Variants in SH3BGRL2 observed in about 807,000 individuals in gnomAD.
SH3BGRL2 encodes the protein SH3 domain binding glutamate rich protein like 2, also known as SH3 domain-binding glutamic acid-rich-like protein 2.
Under a neutral mutation model 14.8 loss-of-function variants are expected in SH3BGRL2, and 21 were observed. The observed-to-expected ratio is 1.42, with a 90% CI of 1.01 to 2.05. SH3BGRL2 has a LOEUF of 2.05. Ranked by LOEUF, SH3BGRL2 falls within the 30% of genes most tolerant of loss-of-function variation. The pLI is 0.00. For missense variants in SH3BGRL2, 147 were observed against 130.8 expected (o/e 1.12, Z -0.61); for synonymous variants, 50 against 47.8 (o/e 1.05, Z -0.19).
chr6:79,631,679 G>A (rs1317347855), intron 1 of SH3BGRL2, among the ~76,000 whole-genome samples, 173 bp downstream of exon 1: 2 of 152,214 alleles, frequency 1.3e-5, no homozygotes, highest in East Asian at 3.9e-4. Context: ...GGGGAGGAAA[G>A]GTGGGTGGGG....
At chr6:79,619,055 AT>A in the SH3BGRL2 span, among the ~76,000 whole-genome samples, 3 of 151,984 alleles carry the variant, frequency 2.0e-5, no homozygotes, top group African/African-American at 7.3e-5. Context: ...ATAAATTTTA[AT>A]TTTTAACAGG....
chr6:79,622,011 T>C, the SH3BGRL2 span, among the ~76,000 whole-genome samples: 1 of 152,116 alleles, frequency 6.6e-6, no homozygotes, highest in African/African-American at 2.4e-5. Flanking sequence ...ATGCAGAAGA[T>C]GGCAGAATGG....
the SH3BGRL2 span, among the ~76,000 whole-genome samples, chr6:79,556,627 C>G: frequency 6.6e-6 from 1 of 151,908 alleles, no homozygotes. Context: ...TAACCCTTAA[C>G]CCAGTAGTTC....
the SH3BGRL2 span, among the ~76,000 whole-genome samples, chr6:79,567,901 C>A: frequency 2.0e-5 from 3 of 152,022 alleles, no homozygotes; most frequent in Non-Finnish European, 4.4e-5. Context: ...AGTAAAGACA[C>A]AGAAACCAAT....
the SH3BGRL2 span, among the ~76,000 whole-genome samples, chr6:79,543,094 G>A: frequency 1.3e-5 from 2 of 152,134 alleles, no homozygotes; most frequent in African/African-American, 2.4e-5. Flanking sequence ...GGATAAATCA[G>A]ATTTGTCTAA....
Position 79,699,549 on chromosome 6 carries a change from A to T in SH3BGRL2, c.*40A>T. On this transcript the variant is annotated 3_prime_UTR_variant, in exon 4 of 4. Transcript: ENST00000369838. The stretch of plus-strand genomic sequence containing the variant: ...AGATGACGGAGATGCATTTTGAAGC[A>T]CCCCTGGTACTCAGCACACACATGC... 6.6e-7 allele frequency: 1 copy of T among 1,504,728 alleles called. No individual in the cohort carries two copies. Among genetic ancestry groups the T allele is most frequent in the Non-Finnish European group, 8.8e-7 (1 of 1,135,938 alleles). 93.2% of individuals were successfully genotyped at this position (1,504,728 alleles called of 1,614,324 possible). A position where few individuals can be genotyped will look rare whatever the true frequency, so the allele number is the denominator to read the frequency against.
intron 1 of SH3BGRL2, among the ~76,000 whole-genome samples, chr6:79,635,968 C>T (rs1768913818): frequency 6.6e-6 from 1 of 152,180 alleles, no homozygotes; most frequent in Admixed American, 6.5e-5. Flanking sequence ...AAGATTTCTA[C>T]ATCTTAAACT....
intron 1 of SH3BGRL2, among the ~76,000 whole-genome samples, chr6:79,646,406 T>A (rs1330586284): frequency 6.6e-6 from 1 of 152,256 alleles, no homozygotes; most frequent in East Asian, 1.9e-4. Context: ...ATTATGGAGC[T>A]AGCATACTGC....
At chr6:79,567,109 A>T in the SH3BGRL2 span, among the ~76,000 whole-genome samples, 1 of 152,116 alleles carries the variant, frequency 6.6e-6, no homozygotes, top group African/African-American at 2.4e-5. Context: ...AATCTCACTA[A>T]TTAAATTTTT....
the SH3BGRL2 span, among the ~76,000 whole-genome samples, chr6:79,590,818 A>C: frequency 6.6e-6 from 1 of 152,090 alleles, no homozygotes; most frequent in African/African-American, 2.4e-5. Flanking sequence ...GTACCTCCTG[A>C]ATCCAAAATA....
intron 1 of SH3BGRL2, among the ~76,000 whole-genome samples, chr6:79,668,923 A>T (rs1175164276): frequency 6.6e-6 from 1 of 152,172 alleles, no homozygotes; most frequent in Non-Finnish European, 1.5e-5. Flanking sequence ...TAGCATCCTA[A>T]GCACAATGCT....
intron 1 of SH3BGRL2, among the ~76,000 whole-genome samples, chr6:79,666,950 G>T (rs1452584615): frequency 1.3e-5 from 2 of 152,326 alleles, no homozygotes; most frequent in South Asian, 2.1e-4. Flanking sequence ...GGCAAAGATA[G>T]AAAAGCTAGT....
intron 2 of SH3BGRL2, among the ~76,000 whole-genome samples, chr6:79,687,474 T>A (rs1011426260): frequency 6.6e-6 from 1 of 152,210 alleles, no homozygotes; most frequent in African/African-American, 2.4e-5. Flanking sequence ...CACCTTTGGA[T>A]TTGCTCATAT....
At chr6:79,636,186 T>C (rs1313355780) in intron 1 of SH3BGRL2, among the ~76,000 whole-genome samples, 1 of 152,180 alleles carries the variant, frequency 6.6e-6, no homozygotes, top group African/African-American at 2.4e-5. Flanking sequence ...GCTGACCAGA[T>C]TGAGATCATA....
chr6:79,646,807 T>C (rs111626293), intron 1 of SH3BGRL2, among the ~76,000 whole-genome samples: 9 of 152,342 alleles, frequency 5.9e-5, no homozygotes, highest in African/African-American at 2.2e-4. Flanking sequence ...CTTTGATGTC[T>C]GGCTTCTTTC....
At chr6:79,588,857 T>C in the SH3BGRL2 span, among the ~76,000 whole-genome samples, 1 of 152,180 alleles carries the variant, frequency 6.6e-6, no homozygotes, top group Admixed American at 6.5e-5. Context: ...TTAATTCTTA[T>C]GTCCAAAGTC....
At chr6:79,538,025 T>TG in the SH3BGRL2 span, among the ~76,000 whole-genome samples, 5 of 74,104 alleles carry the variant, frequency 6.7e-5, no homozygotes, top group African/African-American at 2.4e-4. Context: ...CAAGTTTTTT[T>TG]TTTTTTTTTT....
chr6:79,639,227 G>A (rs1261405130), intron 1 of SH3BGRL2, among the ~76,000 whole-genome samples: 1 of 152,100 alleles, frequency 6.6e-6, no homozygotes, highest in Non-Finnish European at 1.5e-5. Context: ...TAGAATCATA[G>A]TGAATGTTTC....
the SH3BGRL2 span, among the ~76,000 whole-genome samples, chr6:79,541,398 C>T: frequency 6.6e-6 from 1 of 151,946 alleles, no homozygotes; most frequent in African/African-American, 2.4e-5. Context: ...TCTAGTAGAC[C>T]TAGCTCCACG....
Sources: gnomAD v4.1 joint callset for allele counts (sites outside exome capture counted in the v4.1 genomes callset) on GRCh38, gnomAD v4.1.1 for gene constraint, MANE v1.5 for transcripts, NCBI Gene and HGNC (gene_info 2026-07-23, HGNC 2026-07-21) for gene names.